Variants in MAGI2 observed in about 807,000 individuals in gnomAD.
MAGI2 encodes membrane-associated guanylate kinase, WW and PDZ domain-containing protein 2.
In MAGI2, 35 loss-of-function variants were observed where a neutral mutation model predicts 133.3. The observed-to-expected ratio is 0.26, with a 90% CI of 0.20 to 0.35. MAGI2 has a LOEUF of 0.35. MAGI2 is among the 10% of genes least tolerant of loss of function. The pLI, the probability that MAGI2 is intolerant of heterozygous loss-of-function variation, is 1.00. For missense variants in MAGI2, 1,636 were observed against 1,863.4 expected (o/e 0.88, Z 2.25); for synonymous variants, 729 against 710.6 (o/e 1.03, Z -0.41).
intron 2 of MAGI2, among the ~76,000 whole-genome samples, chr7:78,638,847 T>C (rs1011575018): frequency 6.6e-6 from 1 of 152,252 alleles, no homozygotes; most frequent in East Asian, 1.9e-4. Flanking sequence ...TGGCATTCTA[T>C]AGAATTAATA....
chr7:79,077,599 ATAAAT>A (rs1562865636), intron 1 of MAGI2, among the ~76,000 whole-genome samples: 954 of 87,260 alleles, frequency 0.011, 240 homozygotes, highest in African/African-American at 0.042. Flanking sequence ...AAAAAAATAA[ATAAAT>A]AAATAAATTC....
At chr7:78,052,775 A>C (rs1812150062) in intron 21 of MAGI2, among the ~76,000 whole-genome samples, 1 of 152,222 alleles carries the variant, frequency 6.6e-6, no homozygotes, top group African/African-American at 2.4e-5. Context: ...ACACTGACCC[A>C]CTGGTTTTGC....
chr7:78,856,761 T>G (rs569414547), intron 2 of MAGI2, among the ~76,000 whole-genome samples: 1 of 152,322 alleles, frequency 6.6e-6, no homozygotes, highest in South Asian at 2.1e-4. Flanking sequence ...ATATGAACTT[T>G]AAAGTAGTTT....
In MAGI2 at chr7:79,114,039, G is replaced by A. The variant is rs185232515; in HGVS notation, c.302-106833C>T. ...GCTTTTACATACAGTTTGTTCACAT[G>A]TAGTTGTATTTATTTTATTAGCAAG... On this transcript the variant is annotated intron_variant, in intron 1 of 21. Coordinates refer to ENST00000354212, the MANE Select transcript of MAGI2 (RefSeq NM_012301.4). Among the ~76,000 whole-genome samples, 17 of 152,280 alleles carry A rather than the reference G, an allele frequency of 1.1e-4. No homozygotes were observed. The East Asian group carries it at 3.1e-3, about 28-fold the overall frequency.
At chr7:79,242,220 C>T (rs1055204444) in intron 1 of MAGI2, among the ~76,000 whole-genome samples, 3 of 152,004 alleles carry the variant, frequency 2.0e-5, no homozygotes, top group African/African-American at 7.3e-5. Context: ...GATTCATATG[C>T]TAATTAGCTT....
intron 1 of MAGI2, among the ~76,000 whole-genome samples, chr7:79,389,972 G>A (rs576035496): frequency 2.0e-5 from 3 of 152,150 alleles, no homozygotes; most frequent in Non-Finnish European, 4.4e-5. Flanking sequence ...TGCTTTTTAA[G>A]TAACAGAAAC....
chr7:79,080,155 T>C (rs184318471), intron 1 of MAGI2, among the ~76,000 whole-genome samples: 5 of 152,280 alleles, frequency 3.3e-5, no homozygotes, highest in Admixed American at 1.3e-4. Flanking sequence ...ATGAGGCATC[T>C]GTTTAGATGC....
At chr7:78,361,107 A>AG (rs398095163) in intron 7 of MAGI2, among the ~76,000 whole-genome samples, 1 of 151,950 alleles carries the variant, frequency 6.6e-6, no homozygotes, top group Non-Finnish European at 1.5e-5. Flanking sequence ...TTCATAAAAA[A>AG]TGCTTGGGCC....
chr7:79,400,116 A>T (rs1845365272), intron 1 of MAGI2, among the ~76,000 whole-genome samples: 1 of 152,082 alleles, frequency 6.6e-6, no homozygotes, highest in Admixed American at 6.6e-5. Flanking sequence ...TTTTCCCGCT[A>T]TCCTTCTCTT....
At chr7:79,169,787 A>G (rs1018006098) in intron 1 of MAGI2, among the ~76,000 whole-genome samples, 2 of 152,088 alleles carry the variant, frequency 1.3e-5, no homozygotes, top group African/African-American at 4.8e-5. Context: ...CACATCAACA[A>G]CTAAACATAC....
chr7:78,717,146 G>A (rs965700098), intron 2 of MAGI2, among the ~76,000 whole-genome samples: 10 of 152,034 alleles, frequency 6.6e-5, no homozygotes, highest in East Asian at 1.9e-4. Flanking sequence ...GGGAAAGGAG[G>A]CTCCTGCGCT....
intron 9 of MAGI2, among the ~76,000 whole-genome samples, chr7:78,328,660 A>G (rs1273367097): frequency 6.6e-6 from 1 of 152,134 alleles, no homozygotes; most frequent in Non-Finnish European, 1.5e-5. Context: ...ATGTTGCTAC[A>G]TTGCTTATCA....
intron 6 of MAGI2, among the ~76,000 whole-genome samples, chr7:78,418,807 T>A (rs146066564): frequency 3.2e-4 from 49 of 152,296 alleles, no homozygotes; most frequent in African/African-American, 1.1e-3. Context: ...ATATGGAATG[T>A]GCTTAACATA....
chr7:78,999,991 C>T (rs1363256005), intron 2 of MAGI2, among the ~76,000 whole-genome samples: 4 of 152,098 alleles, frequency 2.6e-5, no homozygotes, highest in Non-Finnish European at 5.9e-5. Context: ...AAAAGAGTTG[C>T]CAAATTGATG....
At position 78,173,458 on chromosome 7, in the gene MAGI2, G is replaced by C. The variant is rs577854283; in HGVS notation, c.2403+4553C>G. Among the ~76,000 whole-genome samples, 4 of 152,316 alleles carry C rather than the reference G, an allele frequency of 2.6e-5. No homozygotes were observed. The South Asian group carries it at 6.2e-4, about 24-fold the overall frequency. ...GAAGATAATATCTACAGAATGGGGT[G>C]CTGGCTTCCCCCCAAAGCAGACAAA... On this transcript the variant is annotated intron_variant, in intron 14 of 21. Transcript: ENST00000354212.
intron 20 of MAGI2, among the ~76,000 whole-genome samples, chr7:78,114,545 G>A (rs867325771): frequency 2.0e-4 from 30 of 152,234 alleles, no homozygotes; most frequent in African/African-American, 7.0e-4. Flanking sequence ...CCCAGTCCAG[G>A]CAAAGCCTCC....
At chr7:78,177,898 T>C in intron 14 of MAGI2, 113 bp downstream of exon 14, 1 of 735,730 alleles carries the variant, frequency 1.4e-6, no homozygotes, top group East Asian at 2.7e-5. Context: ...CTTAAACTTC[T>C]TTATGAGAGT....
In MAGI2 at chr7:78,125,660, A is replaced by T. The variant is rs377677946; in HGVS notation, c.3567+34T>A. On this transcript the variant is annotated intron_variant, in intron 20 of 21. Coordinates refer to ENST00000354212, the MANE Select transcript of MAGI2 (RefSeq NM_012301.4). Reference sequence around the variant, plus strand: ...TACCACAGTCGGTTTTTCTTTCAGAATTAAGCAATTCTATAAAAAGAGACT... The same window carrying T: ...TACCACAGTCGGTTTTTCTTTCAGATTTAAGCAATTCTATAAAAAGAGACT... The T allele has an allele frequency of 3.8e-5, 61 of 1,608,618 alleles. No homozygotes were observed. In the African/African-American group the frequency reaches 7.1e-4, roughly 19 times the overall value.
At chr7:78,974,061 C>T (rs1804021986) in intron 2 of MAGI2, among the ~76,000 whole-genome samples, 2 of 151,764 alleles carry the variant, frequency 1.3e-5, no homozygotes, top group South Asian at 4.2e-4. Flanking sequence ...TGACCTGCTC[C>T]ATACTATTAG....
Sources: gnomAD v4.1 joint callset for allele counts (sites outside exome capture counted in the v4.1 genomes callset) on GRCh38, gnomAD v4.1.1 for gene constraint, MANE v1.5 for transcripts, NCBI Gene and HGNC (gene_info 2026-07-23, HGNC 2026-07-21) for gene names.